The following DPP6 variants were observed in gnomAD, a reference collection of about 807,000 sequenced individuals.
DPP6 encodes the protein A-type potassium channel modulatory protein DPP6.
Under a neutral mutation model 122.6 loss-of-function variants are expected in DPP6, and 69 were observed. That is an observed-to-expected ratio of 0.56 (90% CI 0.46 to 0.69). The LOEUF is 0.69. Ranked by LOEUF, DPP6 falls within the 30% of genes least tolerant of loss-of-function variation. The pLI is 0.00. For missense variants in DPP6, 928 were observed against 1,116.9 expected (o/e 0.83, Z 2.41); for synonymous variants, 418 against 433.1 (o/e 0.97, Z 0.43).
intron 5 of DPP6, among the ~76,000 whole-genome samples, chr7:154,619,314 C>T (rs566168158): frequency 1.8e-4 from 28 of 152,342 alleles, no homozygotes; most frequent in African/African-American, 4.8e-4. Context: ...TTCAAATCAA[C>T]GTAAGCCTCG....
chr7:154,427,828 T>C (rs372856830), intron 1 of DPP6, among the ~76,000 whole-genome samples: 128 of 152,292 alleles, frequency 8.4e-4, no homozygotes, highest in African/African-American at 2.8e-3. Flanking sequence ...TTGGAATAAA[T>C]AGGATAGCCA....
intron 1 of DPP6, among the ~76,000 whole-genome samples, chr7:153,950,384 T>C (rs1288901918): frequency 6.6e-6 from 1 of 152,132 alleles, no homozygotes; most frequent in Non-Finnish European, 1.5e-5. Context: ...GACTAGGAAT[T>C]GGAAGCCTGG....
Position 154,635,202 on chromosome 7 carries a change from C to T in DPP6, c.628-2619C>T, listed in dbSNP as rs143114271. On this transcript the variant is annotated intron_variant, in intron 5 of 25. Coordinates refer to ENST00000377770, the MANE Select transcript of DPP6 (RefSeq NM_130797.4). The stretch of plus-strand genomic sequence containing the variant: ...GACAATAATATCTGCCTCATAAAGA[C>T]TAAATGAGTTCTTGCATGGTAAGGA... Among the ~76,000 whole-genome samples, 16 of 152,270 alleles carry T rather than the reference C, an allele frequency of 1.1e-4. No individual in the cohort carries two copies. The East Asian group carries it at 3.1e-3, about 29-fold the overall frequency.
At chr7:153,867,818 ACGT>A in the DPP6 span, among the ~76,000 whole-genome samples, 8 of 152,314 alleles carry the variant, frequency 5.3e-5, no homozygotes, top group South Asian at 1.7e-3. Context: ...ATTTTGAGAT[ACGT>A]CCCATCAATA....
At chr7:154,689,480 C>T (rs989720364) in intron 7 of DPP6, among the ~76,000 whole-genome samples, 1 of 151,940 alleles carries the variant, frequency 6.6e-6, no homozygotes, top group Non-Finnish European at 1.5e-5. Context: ...ATTGTATTGT[C>T]AGTAGAAAAC....
At chr7:154,679,765 T>C (rs1453485036) in intron 7 of DPP6, among the ~76,000 whole-genome samples, 2 of 152,198 alleles carry the variant, frequency 1.3e-5, no homozygotes, top group Non-Finnish European at 2.9e-5. Context: ...AAAACATTCA[T>C]CATGGGCACT....
intron 1 of DPP6, among the ~76,000 whole-genome samples, chr7:153,918,064 G>A (rs1433495734): frequency 6.6e-6 from 1 of 152,174 alleles, no homozygotes; most frequent in Non-Finnish European, 1.5e-5. Flanking sequence ...CATGCTATAT[G>A]TGACACATGC....
chr7:154,830,742 T>C lies in DPP6; in HGVS notation c.1667-23038T>C, dbSNP rs113301377. ...CTGCTCACAGCCTATTTCTACTATCTATACGTCCACATTTGAAAGCCACCT... is the reference window on the plus strand; with the variant it reads ...CTGCTCACAGCCTATTTCTACTATCCATACGTCCACATTTGAAAGCCACCT... On this transcript the variant is annotated intron_variant, in intron 16 of 25. Coordinates refer to ENST00000377770, the MANE Select transcript of DPP6 (RefSeq NM_130797.4). Among the ~76,000 whole-genome samples, 1,494 of 152,316 alleles carry C rather than the reference T, an allele frequency of 9.8e-3. 25 individuals carry two copies. Among genetic ancestry groups the C allele is most frequent in the African/African-American group, 0.033 (1,368 of 41,570 alleles).
At chr7:154,461,783 A>G (rs1821321957) in intron 2 of DPP6, among the ~76,000 whole-genome samples, 1 of 152,126 alleles carries the variant, frequency 6.6e-6, no homozygotes, top group African/African-American at 2.4e-5. Flanking sequence ...TGTCAGATGG[A>G]TAGTTTGCAA....
chr7:154,528,374 A>G (rs950874473), intron 3 of DPP6, among the ~76,000 whole-genome samples: 8 of 152,230 alleles, frequency 5.3e-5, no homozygotes, highest in Non-Finnish European at 1.2e-4. Context: ...AAAGAGGCAC[A>G]AAAGGTATAA....
chr7:154,108,031 T>C (rs918520066), intron 1 of DPP6, among the ~76,000 whole-genome samples: 1 of 152,152 alleles, frequency 6.6e-6, no homozygotes, highest in Non-Finnish European at 1.5e-5. Flanking sequence ...GACTGGACAA[T>C]GAAAGGAAAA....
At chr7:153,944,664 G>GTTTTT (rs139824215) in intron 1 of DPP6, among the ~76,000 whole-genome samples, 3,798 of 106,488 alleles carry the variant, frequency 0.036, 149 homozygotes, top group Non-Finnish European at 0.048. Context: ...TTTTGTGTGG[G>GTTTTT]TTTTTTTTTT....
intron 1 of DPP6, among the ~76,000 whole-genome samples, chr7:154,379,612 T>C (rs1316684823): frequency 2.0e-5 from 3 of 152,206 alleles, no homozygotes; most frequent in South Asian, 4.1e-4. Context: ...ATAGAAAGCA[T>C]TGTGGATATA....
intron 1 of DPP6, among the ~76,000 whole-genome samples, chr7:154,329,676 A>G (rs1019058071): frequency 6.6e-6 from 1 of 152,198 alleles, no homozygotes; most frequent in African/African-American, 2.4e-5. Context: ...CAATCCCATT[A>G]CTGGGTATAT....
At chr7:154,713,920 C>T (rs1020174773) in intron 7 of DPP6, among the ~76,000 whole-genome samples, 6 of 152,166 alleles carry the variant, frequency 3.9e-5, no homozygotes, top group African/African-American at 1.4e-4. Context: ...GGCAAATTTT[C>T]TAAACTTTTA....
intron 2 of DPP6, among the ~76,000 whole-genome samples, chr7:154,448,955 G>T (rs140855383): frequency 1.5e-3 from 232 of 152,242 alleles, no homozygotes; most frequent in African/African-American, 5.1e-3. Context: ...AAGAGCTAAA[G>T]CTATAAAACT....
chr7:154,548,894 C>T (rs1218420772), intron 4 of DPP6, among the ~76,000 whole-genome samples: 1 of 152,162 alleles, frequency 6.6e-6, no homozygotes, highest in African/African-American at 2.4e-5. Context: ...GCAGAAGGAA[C>T]ATTTCAGCAG....
At chr7:154,781,565 T>G (rs1797032159) in intron 10 of DPP6, among the ~76,000 whole-genome samples, 1 of 152,226 alleles carries the variant, frequency 6.6e-6, no homozygotes, top group Non-Finnish European at 1.5e-5. Flanking sequence ...GCAGATGTTT[T>G]TATGCAACTG....
intron 1 of DPP6, among the ~76,000 whole-genome samples, chr7:153,942,006 A>G (rs909232737): frequency 6.6e-6 from 1 of 152,222 alleles, no homozygotes; most frequent in African/African-American, 2.4e-5. Flanking sequence ...GCGTTTCTGC[A>G]ATGGCAACTT....
Sources: allele counts gnomAD v4.1 joint callset (sites outside exome capture counted in the v4.1 genomes callset), GRCh38; gene constraint gnomAD v4.1.1; transcripts MANE v1.5; gene names NCBI Gene and HGNC (gene_info 2026-07-23, HGNC 2026-07-21).